Variants in FAM20A observed in about 807,000 individuals in gnomAD.
FAM20A encodes the protein pseudokinase FAM20A.
FAM20A carries 42 observed loss-of-function variants against 52.0 expected under a neutral mutation model. The observed-to-expected ratio is 0.81, with a 90% CI of 0.63 to 1.04. FAM20A has a LOEUF of 1.04. Ranked by LOEUF, FAM20A falls within the 50% of genes least tolerant of loss-of-function variation. The pLI, the probability that FAM20A is intolerant of heterozygous loss-of-function variation, is 0.00. For synonymous variants in FAM20A, 304 were observed against 298.9 expected, an observed-to-expected ratio of 1.02 and a Z score of -0.18; for missense variants, 742 against 712.7, an observed-to-expected ratio of 1.04 and a Z score of -0.47.
chr17:68,573,763 C>G (rs1444488667), intron 1 of FAM20A, among the ~76,000 whole-genome samples: 2 of 151,966 alleles, frequency 1.3e-5, no homozygotes, highest in African/African-American at 4.8e-5. Flanking sequence ...ACTGCAACCT[C>G]TGCCTCCTGG....
chr17:68,560,806 G>T (rs1450466901), intron 1 of FAM20A, among the ~76,000 whole-genome samples: 2 of 152,184 alleles, frequency 1.3e-5, no homozygotes, highest in African/African-American at 2.4e-5. Context: ...CCTCAGCATT[G>T]TATGAGACTA....
intron 4 of FAM20A, chr17:68,551,413 A>G (rs1296330873): frequency 6.7e-6 from 2 of 296,608 alleles, no homozygotes; most frequent in African/African-American, 2.1e-5. Flanking sequence ...TGTCAAAAAG[A>G]GAGTGCTTTC....
At chr17:68,588,219 T>C (rs572437273) in intron 1 of FAM20A, among the ~76,000 whole-genome samples, 10 of 152,268 alleles carry the variant, frequency 6.6e-5, no homozygotes, top group African/African-American at 1.9e-4. Context: ...ACTAGATATT[T>C]TGCTTTAAGG....
intron 10 of FAM20A, among the ~76,000 whole-genome samples, chr17:68,538,535 T>C (rs2086161836): frequency 6.6e-6 from 1 of 152,220 alleles, no homozygotes; most frequent in Admixed American, 6.5e-5. Flanking sequence ...GCTGAAACAC[T>C]GGAGAAGTGT....
intron 1 of FAM20A, among the ~76,000 whole-genome samples, chr17:68,599,776 A>C (rs1287762542): frequency 2.0e-5 from 3 of 152,180 alleles, no homozygotes; most frequent in Non-Finnish European, 1.5e-5. Context: ...GGGGAGAAAC[A>C]TGCTTTCTGG....
In FAM20A at chr17:68,571,529, T is replaced by C. The variant is rs753851034; in HGVS notation, c.405-15786A>G. ...TCATTTAATACATTTCCAAGAGCAC[T>C]CTGTCACACAGACAATTAGAAAAGC... On this transcript the variant is annotated intron_variant, in intron 1 of 10. Transcript: ENST00000592554. Among the ~76,000 whole-genome samples the C allele has an allele frequency of 1.4e-4, 22 of 152,184 alleles. 1 individual carries two copies. Among genetic ancestry groups the C allele is most frequent in the Non-Finnish European group, 2.6e-4 (18 of 68,032 alleles).
chr17:68,556,211 G>T (rs1470753125), intron 1 of FAM20A, among the ~76,000 whole-genome samples: 1 of 152,200 alleles, frequency 6.6e-6, no homozygotes, highest in Non-Finnish European at 1.5e-5. Context: ...ATAAAAAGAA[G>T]AGAGGGTGCA....
chr17:68,581,092 G>A (rs368476705), intron 1 of FAM20A, among the ~76,000 whole-genome samples: 1 of 152,202 alleles, frequency 6.6e-6, no homozygotes, highest in Non-Finnish European at 1.5e-5. Context: ...TAAAACGTCT[G>A]ATGCTTATTG....
At chr17:68,569,552 A>G (rs1227190612) in intron 1 of FAM20A, among the ~76,000 whole-genome samples, 1 of 152,266 alleles carries the variant, frequency 6.6e-6, no homozygotes, top group Non-Finnish European at 1.5e-5. Flanking sequence ...GCTACTAGCC[A>G]CATGTGACTA....
intron 5 of FAM20A, 36 bp downstream of exon 5, chr17:68,543,593 T>C (rs1350587979): frequency 6.3e-7 from 1 of 1,589,780 alleles, no homozygotes; most frequent in African/African-American, 1.3e-5. Context: ...GATTGGTCCT[T>C]ATAGGCAATG....
chr17:68,588,703 A>C (rs1474091607), intron 1 of FAM20A, among the ~76,000 whole-genome samples: 1 of 152,184 alleles, frequency 6.6e-6, no homozygotes, highest in East Asian at 1.9e-4. Context: ...ATCAAGACCT[A>C]CCCACAGGAC....
In FAM20A at chr17:68,542,110, A is replaced by G. The variant is rs374633547; in HGVS notation, c.984T>C (p.Ala328=). ...KCPYMCKTEY[A]VCGNPHLLEG... is the part of the protein sequence containing the mutation. ...CCAGCAGGTGTGGGTTGCCACAGACAGCATACTCCGTCTTGCACATGTATG... is the reference window on the plus strand; with the variant it reads ...CCAGCAGGTGTGGGTTGCCACAGACGGCATACTCCGTCTTGCACATGTATG... The change falls in exon 7 of 11, where the codon GCT becomes GCC. Residue 328 remains alanine, a synonymous_variant. Coordinates refer to ENST00000592554, the MANE Select transcript of FAM20A (RefSeq NM_017565.4). The G allele has an allele frequency of 1.9e-4, 303 of 1,614,024 alleles. No individual in the cohort carries two copies. The highest frequency in any genetic ancestry group is 2.4e-4 in the Non-Finnish European group (289 of 1,180,030).
chr17:68,579,000 C>T (rs551358538), intron 1 of FAM20A, among the ~76,000 whole-genome samples: 176 of 143,506 alleles, frequency 1.2e-3, no homozygotes, highest in African/African-American at 4.3e-3. Flanking sequence ...GGTGACAGAG[C>T]GAGACTCTGT....
In FAM20A at chr17:68,551,029, G is replaced by A. The variant is rs145733750; in HGVS notation, c.719+844C>T. ...TCCACTGGAAGAAGCACATTCTGGAGGAAAGCATGACTTGGGTAACGTGGC... is the reference window on the plus strand; with the variant it reads ...TCCACTGGAAGAAGCACATTCTGGAAGAAAGCATGACTTGGGTAACGTGGC... On this transcript the variant is annotated intron_variant, in intron 4 of 10. Transcript: ENST00000592554. The A allele has an allele frequency of 4.0e-4, 486 of 1,208,686 alleles. 3 individuals carry two copies. In the East Asian group the frequency reaches 0.012, roughly 29 times the overall value. 74.9% of individuals were successfully genotyped at this position (1,208,686 alleles called of 1,614,324 possible).
intron 1 of FAM20A, among the ~76,000 whole-genome samples, chr17:68,576,172 C>T (rs150436489): frequency 6.6e-6 from 1 of 152,258 alleles, no homozygotes; most frequent in Admixed American, 6.5e-5. Flanking sequence ...CCCATACCTG[C>T]CTCAAGCACT....
rs1451042686 is a variant in FAM20A, at chr17:68,600,181, G to A, written c.404+82C>T. On this transcript the variant is annotated intron_variant, in intron 1 of 10. Transcript: ENST00000592554. This position sits in a 1 kb window ranked among gnomAD's most constrained non-coding sequence, Gnocchi z 6.2. Reference sequence around the variant, plus strand: ...GGAGCCGCTGCAGCCCTGGGCCGGGGGCGTCAGGAAACTCGAGACTGGGGC... The same window carrying A: ...GGAGCCGCTGCAGCCCTGGGCCGGGAGCGTCAGGAAACTCGAGACTGGGGC... 1.4e-4 allele frequency: 209 copies of A among 1,473,552 alleles called. No individual in the cohort carries two copies. Among genetic ancestry groups the A allele is most frequent in the Non-Finnish European group, 1.8e-4 (198 of 1,097,854 alleles). 91.3% of individuals were successfully genotyped at this position (1,473,552 alleles called of 1,614,324 possible).
Position 68,555,693 on chromosome 17 carries a change from G to C in FAM20A, c.455C>G (p.Pro152Arg), listed in dbSNP as rs200530607. 2.6e-5 allele frequency: 42 copies of C among 1,613,788 alleles called. No individual in the cohort carries two copies. In the South Asian group the frequency reaches 3.4e-4, roughly 13 times the overall value. ...GCTGGCCTCGAGTCGGAGCTGCAGT[G>C]GGGGGTCCAGGGAGGTAAGGTTCAT... ...EQMNLTSLDP[P>R]LQLRLEASWV... Residue 152 changes from proline (P) to arginine (R), a missense_variant, in exon 2 of 11, where the codon CCA (proline) becomes CGA (arginine). By Grantham distance (103) the Pro-to-Arg change is moderately radical. Transcript: ENST00000592554.
intron 1 of FAM20A, among the ~76,000 whole-genome samples, chr17:68,581,796 G>A (rs1394039860): frequency 1.3e-5 from 2 of 151,966 alleles, no homozygotes; most frequent in African/African-American, 2.4e-5. Context: ...GGATGGTCTC[G>A]ATCTCCTGGC....
At chr17:68,572,022 A>G (rs866612826) in intron 1 of FAM20A, among the ~76,000 whole-genome samples, 5 of 118,496 alleles carry the variant, frequency 4.2e-5, no homozygotes, top group South Asian at 5.6e-4. Context: ...ATATATATAT[A>G]TATATATATA....
Sources: gnomAD v4.1 joint callset for allele counts (sites outside exome capture counted in the v4.1 genomes callset) on GRCh38, gnomAD v4.1.1 for gene constraint, Gnocchi (gnomAD v3.1) non-coding constraint, MANE v1.5 for transcripts, NCBI Gene and HGNC (gene_info 2026-07-23, HGNC 2026-07-21) for gene names.